RAP1GDS1: variants seen among roughly 807,000 people sequenced by gnomAD.
RAP1GDS1 encodes Rap1 GTPase-GDP dissociation stimulator 1, also known as RAP1, GTP-GDP dissociation stimulator 1.
RAP1GDS1 carries 35 observed loss-of-function variants against 71.1 expected under a neutral mutation model. The observed-to-expected ratio is 0.49, with a 90% CI of 0.38 to 0.65. The LOEUF (loss-of-function observed/expected upper bound fraction) is 0.65, where lower values mean the gene tolerates loss of function less well. RAP1GDS1 is among the 30% of genes least tolerant of loss of function. The probability of loss-of-function intolerance (pLI) is 0.00; values close to 1 mark genes in which losing one functional copy is unlikely to be tolerated. For synonymous variants in RAP1GDS1, 229 were observed against 243.1 expected (o/e 0.94, Z 0.54); for missense variants, 663 against 706.1 (o/e 0.94, Z 0.69).
chr4:98,273,963 G>A (rs1470117934), intron 1 of RAP1GDS1, among the ~76,000 whole-genome samples: 1 of 152,110 alleles, frequency 6.6e-6, no homozygotes, highest in Non-Finnish European at 1.5e-5. Context: ...AGGAACTATA[G>A]TTTGAACTTG....
intron 4 of RAP1GDS1, among the ~76,000 whole-genome samples, chr4:98,372,709 C>T (rs1185304720): frequency 1.3e-5 from 2 of 152,200 alleles, no homozygotes; most frequent in South Asian, 2.1e-4. Context: ...ATTTGAGACA[C>T]GGTCTTGCTG....
At chr4:98,320,075 T>C (rs1731573540) in intron 2 of RAP1GDS1, among the ~76,000 whole-genome samples, 1 of 152,200 alleles carries the variant, frequency 6.6e-6, no homozygotes, top group Non-Finnish European at 1.5e-5. Flanking sequence ...AACATTTGTT[T>C]TTCTGTAGCT....
intron 3 of RAP1GDS1, among the ~76,000 whole-genome samples, chr4:98,351,932 C>T (rs994846909): frequency 5.3e-5 from 8 of 151,586 alleles, no homozygotes; most frequent in African/African-American, 1.9e-4. Flanking sequence ...ATGATTCCAC[C>T]ACATCTTACC....
At chr4:98,384,482 A>C (rs1429499421) in intron 5 of RAP1GDS1, among the ~76,000 whole-genome samples, 1 of 151,738 alleles carries the variant, frequency 6.6e-6, no homozygotes, top group Non-Finnish European at 1.5e-5. Flanking sequence ...TATTTTAAAC[A>C]AATTGTTTCA....
chr4:98,290,163 A>G (rs1399569111), intron 1 of RAP1GDS1, among the ~76,000 whole-genome samples: 2 of 152,164 alleles, frequency 1.3e-5, no homozygotes, highest in South Asian at 2.1e-4. Context: ...TTACTGGCAT[A>G]TAGTAAAGTG....
intron 2 of RAP1GDS1, among the ~76,000 whole-genome samples, chr4:98,301,734 C>T (rs559425421): frequency 6.6e-6 from 1 of 152,240 alleles, no homozygotes; most frequent in Admixed American, 6.5e-5. Context: ...ATAGTGCGAT[C>T]TGGTCTTAGA....
chr4:98,392,649 C>T lies in RAP1GDS1; in HGVS notation c.637+569C>T, dbSNP rs142759393. Among the ~76,000 whole-genome samples, 743 of 152,150 alleles carry T rather than the reference C, an allele frequency of 4.9e-3. 4 individuals are homozygous for T. Among genetic ancestry groups the T allele is most frequent in the African/African-American group, 0.017 (707 of 41,510 alleles). On this transcript the variant is annotated intron_variant, in intron 6 of 14. Coordinates refer to ENST00000408927, the MANE Select transcript of RAP1GDS1 (RefSeq NM_001100427.2). ...CCAGGAGGCAGAGGTTGCAGTGATCCGACATCATGCCACTGCACTCCAGCC... is the reference window on the plus strand; with the variant it reads ...CCAGGAGGCAGAGGTTGCAGTGATCTGACATCATGCCACTGCACTCCAGCC...
chr4:98,292,423 C>T (rs1354420027), intron 1 of RAP1GDS1, among the ~76,000 whole-genome samples: 1 of 151,786 alleles, frequency 6.6e-6, no homozygotes, highest in Admixed American at 6.6e-5. Context: ...CATGAGCCAC[C>T]GGGCCTGGAT....
At chr4:98,337,113 T>A (rs1373174537) in intron 2 of RAP1GDS1, among the ~76,000 whole-genome samples, 1 of 152,172 alleles carries the variant, frequency 6.6e-6, no homozygotes, top group Non-Finnish European at 1.5e-5. Context: ...CAGGCTTGCC[T>A]CCAACTCCTG....
chr4:98,440,599 A>T (rs941527034), intron 14 of RAP1GDS1, among the ~76,000 whole-genome samples: 2 of 152,050 alleles, frequency 1.3e-5, no homozygotes, highest in Non-Finnish European at 2.9e-5. Flanking sequence ...ATGATTACTG[A>T]TGGGAATCTT....
chr4:98,320,453 G>A (rs991558735), intron 2 of RAP1GDS1, among the ~76,000 whole-genome samples: 2 of 152,180 alleles, frequency 1.3e-5, no homozygotes, highest in African/African-American at 2.4e-5. Flanking sequence ...CAAGATGGCC[G>A]AATAGGAACA....
At chr4:98,441,747 G>A (rs183441923) in intron 14 of RAP1GDS1, 3 of 562,144 alleles carry the variant, frequency 5.3e-6, no homozygotes, top group Non-Finnish European at 6.8e-6. Flanking sequence ...AACCTGGGCA[G>A]CAGAGCAAGT....
At chr4:98,423,727 A>G (rs1051274068) in intron 12 of RAP1GDS1, among the ~76,000 whole-genome samples, 1 of 152,022 alleles carries the variant, frequency 6.6e-6, no homozygotes, top group African/African-American at 2.4e-5. Flanking sequence ...TATTTTTAGT[A>G]GAGACGGGGT....
chr4:98,374,067 C>T (rs1740802139), intron 4 of RAP1GDS1, among the ~76,000 whole-genome samples: 1 of 151,904 alleles, frequency 6.6e-6, no homozygotes, highest in South Asian at 2.1e-4. Context: ...TTCATGCTAC[C>T]ATTGACCATG....
At chr4:98,281,299 T>G (rs1340088089) in intron 1 of RAP1GDS1, among the ~76,000 whole-genome samples, 1 of 152,178 alleles carries the variant, frequency 6.6e-6, no homozygotes, top group Non-Finnish European at 1.5e-5. Flanking sequence ...GAGCAGCGGT[T>G]TGTAGTTCTC....
chr4:98,430,061 G>A (rs1750179181), intron 12 of RAP1GDS1, among the ~76,000 whole-genome samples: 1 of 151,988 alleles, frequency 6.6e-6, no homozygotes, highest in East Asian at 1.9e-4. Context: ...TGTGAATTTT[G>A]TTCATAGATC....
At chr4:98,261,631 G>C in intron 1 of RAP1GDS1, 62 bp downstream of exon 1, 1 of 1,553,140 alleles carries the variant, frequency 6.4e-7, no homozygotes, top group South Asian at 1.2e-5. Flanking sequence ...CGTGCTGCAG[G>C]GTGGGAAGCA....
intron 14 of RAP1GDS1, among the ~76,000 whole-genome samples, chr4:98,438,955 G>A (rs1036196715): frequency 6.6e-6 from 1 of 152,114 alleles, no homozygotes; most frequent in African/African-American, 2.4e-5. Context: ...AATCACGTTA[G>A]ACAGTGTTAC....
chr4:98,280,426 C>T (rs1278180939), intron 1 of RAP1GDS1, among the ~76,000 whole-genome samples: 2 of 152,102 alleles, frequency 1.3e-5, no homozygotes, highest in Non-Finnish European at 2.9e-5. Context: ...AGTGTCTGTT[C>T]ATATCCTTTG....
Sources: gnomAD v4.1 joint callset for allele counts (sites outside exome capture counted in the v4.1 genomes callset) on GRCh38, gnomAD v4.1.1 for gene constraint, MANE v1.5 for transcripts, NCBI Gene and HGNC (gene_info 2026-07-23, HGNC 2026-07-21) for gene names.